The following RBM24 variants were observed in gnomAD, a reference collection of about 807,000 sequenced individuals.
RBM24 encodes RNA binding motif protein 24, also known as RNA-binding protein 24.
In RBM24, 5 loss-of-function variants were observed where a neutral mutation model predicts 23.6. The observed-to-expected ratio is 0.21, with a 90% CI of 0.11 to 0.45. The LOEUF is 0.45. Among genes scored for constraint, RBM24 ranks in the 20% least tolerant of loss-of-function variants. The pLI is 0.99. For synonymous variants in RBM24, 151 were observed against 129.5 expected, an observed-to-expected ratio of 1.17 and a Z score of -1.13; for missense variants, 252 against 314.6, an observed-to-expected ratio of 0.80 and a Z score of 1.51.
rs552369365 is a variant in RBM24 at position 17,292,217 on chromosome 6, T to TAAAA, written c.*106_*109dup. ...AGAGTTAACATTGACTTAACAGCTT[T>TAAAA]AAAAAAAAAAACAGCCATGCTATTG... On this transcript the variant is annotated 3_prime_UTR_variant, in exon 4 of 4. Transcript: ENST00000379052. 1.3e-3 allele frequency: 1,137 copies of TAAAA among 875,866 alleles called. 1 individual carries two copies. The highest frequency in any genetic ancestry group is 7.6e-3 in the African/African-American group (438 of 57,620). 54.3% of individuals were successfully genotyped at this position (875,866 alleles called of 1,614,324 possible).
chr6:17,283,969 G>A (rs1026420323), intron 2 of RBM24, among the ~76,000 whole-genome samples: 2 of 152,068 alleles, frequency 1.3e-5, no homozygotes, highest in African/African-American at 4.8e-5. Context: ...TGATTTTTAA[G>A]CAAATATAAT....
chr6:17,285,677 A>G (rs1760174051), intron 3 of RBM24, among the ~76,000 whole-genome samples: 1 of 152,306 alleles, frequency 6.6e-6, no homozygotes, highest in Non-Finnish European at 1.5e-5. Flanking sequence ...TTTTTTGAGT[A>G]GCGTCACACT....
At chr6:17,286,535 A>C (rs1760204775) in intron 3 of RBM24, among the ~76,000 whole-genome samples, 1 of 152,214 alleles carries the variant, frequency 6.6e-6, no homozygotes, top group Non-Finnish European at 1.5e-5. Context: ...AGGGAATTGC[A>C]CATTAGTTTG....
chr6:17,282,814 G>A lies in RBM24; in HGVS notation c.178G>A (p.Ala60Thr), dbSNP rs1561733140. 4 of 1,614,068 alleles carry A rather than the reference G, an allele frequency of 2.5e-6. No individual in the cohort carries two copies. Reference sequence around the variant, plus strand: ...TGTGTCTGTTGCTAAGGTCACCATGGCTGACCGGGCTGCTGCCGAAAGGGC... The same window carrying A: ...TGTGTCTGTTGCTAAGGTCACCATGACTGACCGGGCTGCTGCCGAAAGGGC... ...KSRGYGFVTM[A>T]DRAAAERACK... Residue 60 changes from alanine (A) to threonine (T), a missense_variant, in exon 2 of 4, where the codon GCT becomes ACT. By Grantham distance (58) the Ala-to-Thr change is moderately conservative (BLOSUM62 0). Coordinates refer to ENST00000379052, the MANE Select transcript of RBM24 (RefSeq NM_001143942.2).
At position 17,281,444 on chromosome 6, in the gene RBM24, C is replaced by T. The variant is rs1429098225; in HGVS notation, c.-138C>T. 1.8e-6 allele frequency: 1 copy of T among 549,274 alleles called. No homozygotes were observed. Among genetic ancestry groups the T allele is most frequent in the East Asian group, 1.3e-4 (1 of 7,608 alleles). 34.0% of individuals were successfully genotyped at this position (549,274 alleles called of 1,614,324 possible). A position where few individuals can be genotyped will look rare whatever the true frequency, so the allele number is the denominator to read the frequency against. Reference sequence around the variant, plus strand: ...CCGGCCGCTCGCCCCCGCCGCGCCGCCGCCCTCGCCCCCGGGCTCGCCCTT... The same window carrying T: ...CCGGCCGCTCGCCCCCGCCGCGCCGTCGCCCTCGCCCCCGGGCTCGCCCTT... On this transcript the variant is annotated 5_prime_UTR_variant, in exon 1 of 4. Transcript: ENST00000379052. This position sits in a 1 kb window ranked among gnomAD's most constrained non-coding sequence, Gnocchi z 7.1.
Position 17,292,195 on chromosome 6 carries a change from G to T in RBM24, c.*76G>T. The T allele has an allele frequency of 7.5e-7, 1 of 1,328,010 alleles. No individual in the cohort carries two copies. The highest frequency in any genetic ancestry group is 1.8e-5 in the South Asian group (1 of 56,412). 82.3% of individuals were successfully genotyped at this position (1,328,010 alleles called of 1,614,324 possible). Reference sequence around the variant, plus strand: ...CCAATTTTTAGTAGCTAATAAGAGAGTTAACATTGACTTAACAGCTTTAAA... The same window carrying T: ...CCAATTTTTAGTAGCTAATAAGAGATTTAACATTGACTTAACAGCTTTAAA... On this transcript the variant is annotated 3_prime_UTR_variant, in exon 4 of 4. Coordinates refer to ENST00000379052, the MANE Select transcript of RBM24 (RefSeq NM_001143942.2).
chr6:17,284,540 A>C, intron 2 of RBM24, 117 bp from the exon 3 acceptor site: 1 of 722,304 alleles, frequency 1.4e-6, no homozygotes, highest in Non-Finnish European at 2.3e-6. Context: ...TAGTTTCTTT[A>C]AAGTGGCGAA....
chr6:17,282,955 C>G (rs376234606), intron 2 of RBM24, 27 bp downstream of exon 2: 10 of 1,548,894 alleles, frequency 6.5e-6, no homozygotes, highest in South Asian at 3.4e-5. Flanking sequence ...TCCCCTACCC[C>G]CCTCTCCAAG....
At position 17,293,789 on chromosome 6, in the gene RBM24, A is replaced by G. The variant is rs1468111651; in HGVS notation, c.*1670A>G. On this transcript the variant is annotated 3_prime_UTR_variant, in exon 4 of 4. Coordinates refer to ENST00000379052, the MANE Select transcript of RBM24 (RefSeq NM_001143942.2). ...ATGTAGACATGACTCTCCTGTGCAA[A>G]TTATTTATTCGTTGTGTATATTGCT... The G allele has an allele frequency of 6.6e-6, 1 of 152,608 alleles. No homozygotes were observed. Among genetic ancestry groups the G allele is most frequent in the Non-Finnish European group, 1.5e-5 (1 of 68,040 alleles). The allele number at this position is 152,608 out of a possible 1,614,324, so 9.5% of individuals were successfully genotyped here. A position where few individuals can be genotyped will look rare whatever the true frequency, so the allele number is the denominator to read the frequency against.
intron 3 of RBM24, among the ~76,000 whole-genome samples, chr6:17,286,991 T>A (rs1760217109): frequency 6.6e-6 from 1 of 152,248 alleles, no homozygotes; most frequent in Admixed American, 6.5e-5. Context: ...AGCAACCTTT[T>A]GTTTTTCACC....
chr6:17,281,948 C>A lies in RBM24; in HGVS notation c.168+199C>A. ...CAGCCTCGCGGGGTTCGGAGAAGAC[C>A]CAGCGCTGTGCGAGGTCGGGGGCCG... On this transcript the variant is annotated intron_variant, in intron 1 of 3. Transcript: ENST00000379052. The surrounding 1 kb of genome is among the most constrained non-coding windows in gnomAD (Gnocchi z 7.1). 7.4e-7 allele frequency: 1 copy of A among 1,357,214 alleles called. No individual in the cohort carries two copies. The highest frequency in any genetic ancestry group is 9.7e-7 in the Non-Finnish European group (1 of 1,029,640). The allele number at this position is 1,357,214 out of a possible 1,614,324, so 84.1% of individuals were successfully genotyped here.
chr6:17,281,617 G>A lies in RBM24; in HGVS notation c.36G>A (p.Lys12=), dbSNP rs777726208. The A allele has an allele frequency of 2.6e-6, 4 of 1,549,132 alleles. No individual in the cohort carries two copies. Among genetic ancestry groups the A allele is most frequent in the Admixed American group, 3.9e-5 (2 of 50,946 alleles). Residue 12 remains lysine, a synonymous_variant, in exon 1 of 4, where the codon AAG becomes AAA. Transcript: ENST00000379052. The surrounding 1 kb of genome is among the most constrained non-coding windows in gnomAD (Gnocchi z 7.1). ...HTTQKDTTYT[K]IFVGGLPYHT... is the part of the protein sequence containing the mutation. Reference sequence around the variant, plus strand: ...CCCAGAAGGACACGACGTACACCAAGATCTTCGTCGGGGGGCTGCCCTACC... The same window carrying A: ...CCCAGAAGGACACGACGTACACCAAAATCTTCGTCGGGGGGCTGCCCTACC...
At chr6:17,289,766 T>G in intron 3 of RBM24, 2 of 1,066,908 alleles carry the variant, frequency 1.9e-6, no homozygotes, top group Non-Finnish European at 2.3e-6. Flanking sequence ...CCTTGTCGCA[T>G]GACAGGATCA....
chr6:17,291,028 GCC>G (rs1262237942), intron 3 of RBM24: 25 of 506,178 alleles, frequency 4.9e-5, no homozygotes, highest in African/African-American at 4.9e-4. Context: ...TCCCACGACA[GCC>G]TCTTGTGACA....
rs890486327 is a variant in RBM24 at position 17,281,835 on chromosome 6, G to A, written c.168+86G>A. ...GGGAGCTTGGAGTGAGGGGCTCGGC[G>A]TGACCCGTGAGGAGCCCCGCGGGTA... On this transcript the variant is annotated intron_variant, in intron 1 of 3. Coordinates refer to ENST00000379052, the MANE Select transcript of RBM24 (RefSeq NM_001143942.2). This position sits in a 1 kb window ranked among gnomAD's most constrained non-coding sequence, Gnocchi z 7.1. The A allele has an allele frequency of 6.0e-6, 9 of 1,495,976 alleles. No homozygotes were observed. The East Asian group carries it at 1.0e-4, about 17-fold the overall frequency. The allele number at this position is 1,495,976 out of a possible 1,614,324, so 92.7% of individuals were successfully genotyped here. A position where few individuals can be genotyped will look rare whatever the true frequency, so the allele number is the denominator to read the frequency against.
intron 3 of RBM24, among the ~76,000 whole-genome samples, chr6:17,291,134 C>T (rs1434967038): frequency 6.6e-6 from 1 of 152,116 alleles, no homozygotes; most frequent in Non-Finnish European, 1.5e-5. Flanking sequence ...ATTTTGTCGC[C>T]TGCTTCCTTT....
chr6:17,283,024 A>G, intron 2 of RBM24, 96 bp downstream of exon 2: 1 of 840,678 alleles, frequency 1.2e-6, no homozygotes, highest in Non-Finnish European at 1.9e-6. Context: ...CTCTTTCTGT[A>G]GATGTGTTTA....
At chr6:17,290,182 C>A in intron 3 of RBM24, 2 of 957,924 alleles carry the variant, frequency 2.1e-6, no homozygotes, top group Non-Finnish European at 1.4e-6. Flanking sequence ...TCTGAAAAGG[C>A]AAAGCAAAAT....
chr6:17,282,234 A>G (rs2113392699), intron 1 of RBM24: 1 of 1,290,724 alleles, frequency 7.7e-7, no homozygotes, highest in South Asian at 1.2e-5. Context: ...GTTCTTTTAA[A>G]TCATGATCCT....
Sources: gnomAD v4.1 joint callset for allele counts (sites outside exome capture counted in the v4.1 genomes callset) on GRCh38, gnomAD v4.1.1 for gene constraint, Gnocchi (gnomAD v3.1) non-coding constraint, MANE v1.5 for transcripts, NCBI Gene and HGNC (gene_info 2026-07-23, HGNC 2026-07-21) for gene names.